GUCY1A2: variants seen among roughly 807,000 people sequenced by gnomAD.
GUCY1A2 encodes guanylate cyclase 1 soluble subunit alpha 2.
Under a neutral mutation model 63.5 loss-of-function variants are expected in GUCY1A2, and 27 were observed. The ratio of observed to expected loss-of-function variants is 0.43; its 90% CI spans 0.31 to 0.59. The LOEUF is 0.59. Ranked by LOEUF, GUCY1A2 falls within the 20% of genes least tolerant of loss-of-function variation. The probability of loss-of-function intolerance (pLI) is 0.11; values close to 1 mark genes in which losing one functional copy is unlikely to be tolerated. For missense variants in GUCY1A2, 768 were observed against 913.3 expected, an observed-to-expected ratio of 0.84 and a Z score of 2.05; for synonymous variants, 364 against 343.5, an observed-to-expected ratio of 1.06 and a Z score of -0.66.
intron 6 of GUCY1A2, among the ~76,000 whole-genome samples, chr11:106,733,842 G>A (rs887286155): frequency 2.6e-5 from 4 of 152,252 alleles, no homozygotes; most frequent in East Asian, 3.9e-4. Flanking sequence ...GGATATCGAA[G>A]GCAATCAGGG....
At chr11:106,838,107 T>A (rs1169719380) in intron 4 of GUCY1A2, among the ~76,000 whole-genome samples, 1 of 151,942 alleles carries the variant, frequency 6.6e-6, no homozygotes, top group Non-Finnish European at 1.5e-5. Context: ...ACCTCCATTA[T>A]AAAATTGTCC....
chr11:106,693,666 G>A (rs893690032), intron 7 of GUCY1A2, among the ~76,000 whole-genome samples: 5 of 151,792 alleles, frequency 3.3e-5, no homozygotes, highest in African/African-American at 4.8e-5. Flanking sequence ...CCTTTTTCTC[G>A]AATTATTCCC....
At chr11:106,764,970 T>TGGC (rs1864134540) in intron 6 of GUCY1A2, among the ~76,000 whole-genome samples, 2 of 92,336 alleles carry the variant, frequency 2.2e-5, no homozygotes, top group African/African-American at 4.0e-5. Flanking sequence ...CAGATTTTTT[T>TGGC]GGGGGGGGGT....
chr11:106,750,189 T>C (rs1565277575), intron 6 of GUCY1A2, among the ~76,000 whole-genome samples: 1 of 152,074 alleles, frequency 6.6e-6, no homozygotes, highest in East Asian at 1.9e-4. Context: ...GTCTGGTATC[T>C]ATGGGCAGAA....
chr11:107,007,306 G>A lies in GUCY1A2; in HGVS notation c.303+10447C>T, dbSNP rs113670590. On this transcript the variant is annotated intron_variant, in intron 1 of 7. Transcript: ENST00000526355. ...GAGGGGTAAACAAATCAGCTACTCCGAGAGAGTGAAATGAATAGTGAAAGA... is the reference window on the plus strand; with the variant it reads ...GAGGGGTAAACAAATCAGCTACTCCAAGAGAGTGAAATGAATAGTGAAAGA... 7.3e-3 allele frequency among the ~76,000 whole-genome samples: 1,107 copies of A among 152,244 alleles called. 10 individuals carry two copies. Among genetic ancestry groups the A allele is most frequent in the African/African-American group, 0.026 (1,061 of 41,538 alleles).
chr11:106,769,192 T>C (rs752574519), intron 6 of GUCY1A2, among the ~76,000 whole-genome samples: 18 of 151,982 alleles, frequency 1.2e-4, no homozygotes, highest in Non-Finnish European at 2.5e-4. Flanking sequence ...GAAAATTAAG[T>C]GAAAGAACAA....
chr11:106,999,988 T>C (rs1222971158), intron 1 of GUCY1A2, among the ~76,000 whole-genome samples: 2 of 152,166 alleles, frequency 1.3e-5, no homozygotes, highest in African/African-American at 4.8e-5. Flanking sequence ...AATAAGGAGA[T>C]AAAGTGCCTA....
intron 7 of GUCY1A2, among the ~76,000 whole-genome samples, chr11:106,696,572 T>A (rs139772382): frequency 6.6e-6 from 1 of 152,260 alleles, no homozygotes; most frequent in Non-Finnish European, 1.5e-5. Context: ...AATTCTATGT[T>A]CTCTATTTTC....
intron 3 of GUCY1A2, among the ~76,000 whole-genome samples, chr11:106,966,956 A>G (rs1364016284): frequency 1.3e-5 from 2 of 152,242 alleles, no homozygotes; most frequent in African/African-American, 4.8e-5. Flanking sequence ...CAAAAAAAAG[A>G]GGTTAATGAA....
intron 6 of GUCY1A2, among the ~76,000 whole-genome samples, chr11:106,724,090 C>A (rs1863363286): frequency 6.6e-6 from 1 of 152,164 alleles, no homozygotes. Context: ...TAACTTGGGT[C>A]AAGTGAGTGT....
At chr11:106,948,058 G>C (rs1029478965) in intron 3 of GUCY1A2, among the ~76,000 whole-genome samples, 3 of 152,060 alleles carry the variant, frequency 2.0e-5, no homozygotes, top group African/African-American at 7.2e-5. Flanking sequence ...TGTGTAAATG[G>C]AATGGAAATG....
At chr11:106,755,291 A>T (rs901710073) in intron 6 of GUCY1A2, among the ~76,000 whole-genome samples, 1 of 152,104 alleles carries the variant, frequency 6.6e-6, no homozygotes, top group Admixed American at 6.6e-5. Flanking sequence ...CTTTTCAAAA[A>T]ACCAGCTTCT....
Position 106,678,327 on chromosome 11 carries a change from A to C in GUCY1A2, c.*9222T>G, listed in dbSNP as rs565407656. ...CAGTGTGGTAATTTTTACCAAAAAAATTCAGAAGGAGGGTTTCACATTATT... is the reference window on the plus strand; with the variant it reads ...CAGTGTGGTAATTTTTACCAAAAAACTTCAGAAGGAGGGTTTCACATTATT... On this transcript the variant is annotated 3_prime_UTR_variant, in exon 8 of 8. Transcript: ENST00000526355. The C allele has an allele frequency of 4.8e-6, 1 of 207,142 alleles. No homozygotes were observed. Among genetic ancestry groups the C allele is most frequent in the East Asian group, 7.3e-5 (1 of 13,770 alleles). The allele number at this position is 207,142 out of a possible 1,614,324, so 12.8% of individuals were successfully genotyped here.
At chr11:106,800,681 T>G (rs1294216448) in intron 5 of GUCY1A2, among the ~76,000 whole-genome samples, 1 of 151,920 alleles carries the variant, frequency 6.6e-6, no homozygotes, top group African/African-American at 2.4e-5. Context: ...ATGTGGGAAT[T>G]GAACAATGAG....
At chr11:106,914,921 C>T (rs1430408544) in intron 4 of GUCY1A2, among the ~76,000 whole-genome samples, 33 of 152,146 alleles carry the variant, frequency 2.2e-4, no homozygotes, top group East Asian at 1.5e-3. Context: ...TTTCTTGGAT[C>T]AGACAATGCA....
chr11:106,954,579 C>A (rs1447550175), intron 3 of GUCY1A2, among the ~76,000 whole-genome samples: 1 of 152,014 alleles, frequency 6.6e-6, no homozygotes, highest in Non-Finnish European at 1.5e-5. Flanking sequence ...TTTTTTCTCT[C>A]ATTGATCTAA....
chr11:107,006,439 C>T (rs904057706), intron 1 of GUCY1A2, among the ~76,000 whole-genome samples: 7 of 152,174 alleles, frequency 4.6e-5, no homozygotes, highest in Admixed American at 1.3e-4. Context: ...CAGGATCAGC[C>T]TCCAACCATT....
rs544486225 is a variant in GUCY1A2 at position 106,869,154 on chromosome 11, C to A, written c.1207-58676G>T. ...ATGTTAGACCTAAAACCATAAAAACCCTAGAAGAAAACCTAGGCAATACCA... is the reference window on the plus strand; with the variant it reads ...ATGTTAGACCTAAAACCATAAAAACACTAGAAGAAAACCTAGGCAATACCA... On this transcript the variant is annotated intron_variant, in intron 4 of 7. Transcript: ENST00000526355. Among the ~76,000 whole-genome samples, 60 of 152,132 alleles carry A rather than the reference C, an allele frequency of 3.9e-4. 2 individuals are homozygous for A. In the South Asian group the frequency reaches 0.012, roughly 31 times the overall value.
At chr11:106,758,014 A>C (rs1864003638) in intron 6 of GUCY1A2, among the ~76,000 whole-genome samples, 1 of 152,190 alleles carries the variant, frequency 6.6e-6, no homozygotes, top group Non-Finnish European at 1.5e-5. Flanking sequence ...TAATTCCCTG[A>C]CTGGACTGCT....
Sources: gnomAD v4.1 joint callset for allele counts (sites outside exome capture counted in the v4.1 genomes callset) on GRCh38, gnomAD v4.1.1 for gene constraint, MANE v1.5 for transcripts, NCBI Gene and HGNC (gene_info 2026-07-23, HGNC 2026-07-21) for gene names.